NDST4: variants seen among roughly 807,000 people sequenced by gnomAD.
NDST4 encodes the protein N-deacetylase and N-sulfotransferase 4.
NDST4 carries 63 observed loss-of-function variants against 100.8 expected under a neutral mutation model. The ratio of observed to expected loss-of-function variants is 0.62; its 90% CI spans 0.51 to 0.77. NDST4 has a LOEUF of 0.77. Among genes scored for constraint, NDST4 ranks in the 30% least tolerant of loss-of-function variants. The probability of loss-of-function intolerance (pLI) is 0.00; values close to 1 mark genes in which losing one functional copy is unlikely to be tolerated. For synonymous variants in NDST4, 377 were observed against 361.8 expected, an observed-to-expected ratio of 1.04 and a Z score of -0.48; for missense variants, 943 against 1,018.4, an observed-to-expected ratio of 0.93 and a Z score of 1.01.
intron 2 of NDST4, among the ~76,000 whole-genome samples, chr4:115,018,958 G>A (rs577398842): frequency 2.0e-5 from 3 of 151,850 alleles, no homozygotes; most frequent in African/African-American, 7.2e-5. Flanking sequence ...ATTTTTATAG[G>A]TAATAATTAT....
chr4:115,082,225 T>C (rs538149628), intron 1 of NDST4, among the ~76,000 whole-genome samples: 48 of 152,302 alleles, frequency 3.2e-4, no homozygotes, highest in Non-Finnish European at 6.5e-4. Flanking sequence ...TCTTTCAAGA[T>C]TAGAAAATAT....
chr4:114,985,303 G>T (rs537245758), intron 2 of NDST4, among the ~76,000 whole-genome samples: 1 of 152,188 alleles, frequency 6.6e-6, no homozygotes, highest in South Asian at 2.1e-4. Context: ...TCTGTCTCCA[G>T]GAAGACAGGA....
chr4:115,031,099 G>A (rs576956946), intron 2 of NDST4, among the ~76,000 whole-genome samples: 15 of 152,176 alleles, frequency 9.9e-5, no homozygotes, highest in African/African-American at 2.9e-4. Flanking sequence ...GGGATTAAAA[G>A]AAATGTATTC....
chr4:115,002,398 C>T (rs1418408429), intron 2 of NDST4, among the ~76,000 whole-genome samples: 1 of 151,962 alleles, frequency 6.6e-6, no homozygotes, highest in Non-Finnish European at 1.5e-5. Flanking sequence ...GGATATTAGC[C>T]CTTTGTCAGA....
intron 6 of NDST4, among the ~76,000 whole-genome samples, chr4:114,891,400 A>G (rs1724593759): frequency 6.6e-6 from 1 of 152,018 alleles, no homozygotes; most frequent in Admixed American, 6.6e-5. Context: ...TCTTTAGATC[A>G]TTTCACATTC....
chr4:114,949,957 T>A (rs1725952639), intron 4 of NDST4, among the ~76,000 whole-genome samples: 2 of 152,080 alleles, frequency 1.3e-5, no homozygotes, highest in African/African-American at 4.8e-5. Context: ...AGCAGTCTAC[T>A]TCCTATGTAC....
At chr4:114,975,260 G>A (rs1726606922) in intron 3 of NDST4, among the ~76,000 whole-genome samples, 1 of 152,124 alleles carries the variant, frequency 6.6e-6, no homozygotes, top group East Asian at 1.9e-4. Flanking sequence ...TACAAATGAA[G>A]TAAATATATC....
intron 1 of NDST4, among the ~76,000 whole-genome samples, chr4:115,101,458 A>G (rs1313528826): frequency 6.6e-6 from 1 of 152,124 alleles, no homozygotes; most frequent in African/African-American, 2.4e-5. Context: ...GGTGCATGGT[A>G]AGATGATAAA....
At chr4:114,872,093 G>A (rs952439684) in intron 6 of NDST4, among the ~76,000 whole-genome samples, 10 of 151,920 alleles carry the variant, frequency 6.6e-5, no homozygotes, top group Admixed American at 1.3e-4. Context: ...AAATAGGTTT[G>A]CAGAACTATT....
intron 2 of NDST4, among the ~76,000 whole-genome samples, chr4:115,010,893 T>C (rs1406533014): frequency 1.3e-5 from 2 of 152,048 alleles, no homozygotes; most frequent in African/African-American, 4.8e-5. Flanking sequence ...AAGTTATTGC[T>C]TAAAAATTTT....
intron 1 of NDST4, among the ~76,000 whole-genome samples, chr4:115,099,478 A>G (rs967274172): frequency 6.6e-6 from 1 of 152,164 alleles, no homozygotes; most frequent in Admixed American, 6.6e-5. Flanking sequence ...TAGAAAAACA[A>G]CCCAATTCAA....
chr4:114,969,029 G>A (rs1231954107), intron 4 of NDST4, among the ~76,000 whole-genome samples: 1 of 152,192 alleles, frequency 6.6e-6, no homozygotes, highest in South Asian at 2.1e-4. Flanking sequence ...CTAGAGTCAT[G>A]GCTCCAAACA....
intron 2 of NDST4, among the ~76,000 whole-genome samples, chr4:115,015,087 G>A (rs922392964): frequency 2.0e-5 from 3 of 152,084 alleles, no homozygotes; most frequent in African/African-American, 7.2e-5. Flanking sequence ...CTCCACTGGG[G>A]TCAAGCTGGT....
chr4:115,010,499 A>G lies in NDST4; in HGVS notation c.979-33225T>C, dbSNP rs1442220292. ...GGAATTGAACAATGAGTACACATGG[A>G]CACAGGAAGGGGAACATCACACTCT... On this transcript the variant is annotated intron_variant, in intron 2 of 13. Transcript: ENST00000264363. Among the ~76,000 whole-genome samples, 2 of 127,674 alleles carry G rather than the reference A, an allele frequency of 1.6e-5. 1 individual carries two copies. The highest frequency in any genetic ancestry group is 5.0e-4 in the East Asian group (2 of 3,974). The allele number at this position is 127,674 out of a possible 152,430, so 83.8% of individuals were successfully genotyped here. A position where few individuals can be genotyped will look rare whatever the true frequency, so the allele number is the denominator to read the frequency against.
intron 6 of NDST4, among the ~76,000 whole-genome samples, chr4:114,887,112 C>T (rs1399412808): frequency 1.3e-5 from 2 of 152,054 alleles, no homozygotes; most frequent in African/African-American, 4.8e-5. Flanking sequence ...AATGTGAAAT[C>T]CAATATTCCT....
At chr4:115,040,620 C>T (rs1042084021) in intron 2 of NDST4, among the ~76,000 whole-genome samples, 2 of 151,898 alleles carry the variant, frequency 1.3e-5, no homozygotes, top group African/African-American at 2.4e-5. Context: ...TATATTAAAA[C>T]AATGAGCATC....
chr4:115,079,317 A>C (rs181288535), intron 1 of NDST4, among the ~76,000 whole-genome samples: 173 of 151,142 alleles, frequency 1.1e-3, no homozygotes, highest in African/African-American at 3.9e-3. Flanking sequence ...ACACAACTGC[A>C]TGCCAGCCTG....
At chr4:114,917,712 T>G (rs72681417) in intron 6 of NDST4, among the ~76,000 whole-genome samples, 11,436 of 152,196 alleles carry the variant, frequency 0.075, 649 homozygotes, top group East Asian at 0.31. Flanking sequence ...GGGGTGCATT[T>G]CCACTACCAA....
intron 2 of NDST4, among the ~76,000 whole-genome samples, chr4:114,988,817 T>C (rs1298350308): frequency 6.6e-6 from 1 of 152,196 alleles, no homozygotes; most frequent in Non-Finnish European, 1.5e-5. Context: ...AGGATAAATA[T>C]AACTAATTTT....
Sources: allele counts gnomAD v4.1 joint callset (sites outside exome capture counted in the v4.1 genomes callset), GRCh38; gene constraint gnomAD v4.1.1; transcripts MANE v1.5; gene names NCBI Gene and HGNC (gene_info 2026-07-23, HGNC 2026-07-21).